The following RIGI variants were observed in gnomAD, a reference collection of about 807,000 sequenced individuals.
RIGI encodes antiviral innate immune response receptor RIG-I.
At chr9:32,517,077 G>A in the RIGI span, among the ~76,000 whole-genome samples, 1 of 152,218 alleles carries the variant, frequency 6.6e-6, no homozygotes, top group Non-Finnish European at 1.5e-5. Flanking sequence ...GCCAGGTGGA[G>A]TCCCATGTAT....
the RIGI span, chr9:32,480,176 C>T: frequency 1.9e-6 from 3 of 1,559,024 alleles, no homozygotes; most frequent in East Asian, 6.9e-5. Flanking sequence ...TTCCAGTCAC[C>T]AAGAATGCTA....
At chr9:32,459,370 C>CCT in the RIGI span, 1 of 1,612,364 alleles carries the variant, frequency 6.2e-7, no homozygotes, top group East Asian at 2.2e-5. Context: ...AGGCAGCTTA[C>CCT]CTCTATCACT....
At chr9:32,521,076 C>A in the RIGI span, among the ~76,000 whole-genome samples, 2 of 131,336 alleles carry the variant, frequency 1.5e-5, no homozygotes, top group Non-Finnish European at 3.1e-5. Flanking sequence ...ACCCAGGAGG[C>A]AGAGGTTGCA....
chr9:32,491,214 G>T, the RIGI span: 1 of 1,461,978 alleles, frequency 6.8e-7, no homozygotes. Flanking sequence ...TTTTCACAAG[G>T]CTGTGACTTT....
chr9:32,471,345 T>G, the RIGI span, among the ~76,000 whole-genome samples: 3 of 152,236 alleles, frequency 2.0e-5, no homozygotes, highest in Non-Finnish European at 2.9e-5. Context: ...CAAAACAATT[T>G]CTTTTCACCA....
At chr9:32,520,296 A>C in the RIGI span, among the ~76,000 whole-genome samples, 1 of 152,176 alleles carries the variant, frequency 6.6e-6, no homozygotes, top group African/African-American at 2.4e-5. Context: ...AATGGGTTGA[A>C]GTGTTTCAGA....
the RIGI span, among the ~76,000 whole-genome samples, chr9:32,498,520 A>G: frequency 6.6e-6 from 1 of 152,136 alleles, no homozygotes; most frequent in Non-Finnish European, 1.5e-5. Flanking sequence ...CTCCTTTCCA[A>G]ATTTATGAAC....
chr9:32,492,288 AGC>A, the RIGI span: 1 of 1,263,702 alleles, frequency 7.9e-7, no homozygotes, highest in South Asian at 1.4e-5. Flanking sequence ...TTAGAGATGT[AGC>A]TCTGGCTATC....
the RIGI span, among the ~76,000 whole-genome samples, chr9:32,521,135 A>G: frequency 6.9e-6 from 1 of 144,166 alleles, no homozygotes; most frequent in African/African-American, 2.6e-5. Flanking sequence ...GCCAGACACC[A>G]TCTCAAAAAA....
the RIGI span, among the ~76,000 whole-genome samples, chr9:32,512,180 A>G: frequency 2.0e-5 from 3 of 152,164 alleles, no homozygotes; most frequent in Non-Finnish European, 2.9e-5. Flanking sequence ...ACTATTCCCA[A>G]CAATAGAAAA....
At chr9:32,469,321 TC>T in the RIGI span, among the ~76,000 whole-genome samples, 1 of 152,210 alleles carries the variant, frequency 6.6e-6, no homozygotes, top group Non-Finnish European at 1.5e-5. Flanking sequence ...CACAGCCTGT[TC>T]CTGGCTGCAG....
chr9:32,459,268 G>A, the RIGI span: 2 of 1,337,930 alleles, frequency 1.5e-6, no homozygotes, highest in East Asian at 4.7e-5. Flanking sequence ...CATGGCCACA[G>A]TAACAATGGA....
At chr9:32,491,538 C>A in the RIGI span, 1 of 716,688 alleles carries the variant, frequency 1.4e-6, no homozygotes, top group Non-Finnish European at 2.2e-6. Context: ...AAATTTCTCA[C>A]AACCACTCCC....
chr9:32,522,521 C>G, the RIGI span, among the ~76,000 whole-genome samples: 1 of 152,042 alleles, frequency 6.6e-6, no homozygotes, highest in East Asian at 1.9e-4. Context: ...TTAGGAGAGC[C>G]CATATGGACA....
the RIGI span, among the ~76,000 whole-genome samples, chr9:32,499,646 G>A: frequency 2.0e-5 from 3 of 152,048 alleles, no homozygotes; most frequent in South Asian, 6.2e-4. Flanking sequence ...AGTAAAGACA[G>A]GGTTTTGCCA....
the RIGI span, among the ~76,000 whole-genome samples, chr9:32,501,607 T>C: frequency 1.3e-5 from 2 of 152,168 alleles, no homozygotes; most frequent in African/African-American, 4.8e-5. Flanking sequence ...TCTAACTTTG[T>C]ACACTAATTT....
chr9:32,473,521 G>A, the RIGI span, among the ~76,000 whole-genome samples: 5 of 151,744 alleles, frequency 3.3e-5, no homozygotes, highest in Non-Finnish European at 7.4e-5. Flanking sequence ...TCCTGACCTC[G>A]TGATCCACCC....
chr9:32,460,711 G>A, the RIGI span, among the ~76,000 whole-genome samples: 1 of 151,990 alleles, frequency 6.6e-6, no homozygotes, highest in Non-Finnish European at 1.5e-5. Context: ...ACAAAGAAAA[G>A]AGTCAGTGAA....
chr9:32,467,962 C>T, the RIGI span: 3,177 of 1,530,648 alleles, frequency 2.1e-3, 39 homozygotes, highest in East Asian at 0.034. Flanking sequence ...CATTATACAA[C>T]TCACCAAAGA....
Sources: allele counts gnomAD v4.1 joint callset (sites outside exome capture counted in the v4.1 genomes callset), GRCh38; gene constraint gnomAD v4.1.1; transcripts MANE v1.5; gene names NCBI Gene and HGNC (gene_info 2026-07-23, HGNC 2026-07-21).